Variants in MYO16 observed in about 807,000 individuals in gnomAD.
MYO16 encodes the protein myosin XVI.
A neutral mutation model predicts 205.3 loss-of-function variants in MYO16; 94 were observed. The ratio of observed to expected loss-of-function variants is 0.46; its 90% CI spans 0.39 to 0.54. MYO16 has a LOEUF of 0.54. MYO16 is among the 20% of genes least tolerant of loss of function. The pLI is 0.00. For missense variants in MYO16, 2,315 were observed against 2,387.5 expected, an observed-to-expected ratio of 0.97 and a Z score of 0.63; for synonymous variants, 988 against 954.0, an observed-to-expected ratio of 1.04 and a Z score of -0.66.
At chr13:108,870,781 A>G (rs900057994) in intron 12 of MYO16, among the ~76,000 whole-genome samples, 5 of 151,522 alleles carry the variant, frequency 3.3e-5, no homozygotes, top group Non-Finnish European at 7.4e-5. Context: ...TTTCTAATTT[A>G]TTTGGGTATA....
At chr13:108,501,089 C>G in the MYO16 span, among the ~76,000 whole-genome samples, 28 of 152,170 alleles carry the variant, frequency 1.8e-4, no homozygotes, top group Non-Finnish European at 8.8e-5. Context: ...CCCAAATACC[C>G]CACTTCATAG....
intron 21 of MYO16, among the ~76,000 whole-genome samples, chr13:109,001,279 G>T (rs889862608): frequency 1.3e-5 from 2 of 152,104 alleles, no homozygotes; most frequent in African/African-American, 2.4e-5. Context: ...GGGCCAGGTG[G>T]TAGCTGTGGG....
chr13:108,495,861 G>C, the MYO16 span, among the ~76,000 whole-genome samples: 4 of 151,894 alleles, frequency 2.6e-5, no homozygotes, highest in African/African-American at 7.2e-5. Flanking sequence ...GCTGGTTTCC[G>C]AGCCGAGTCC....
In MYO16 at chr13:108,847,835, C is replaced by CCT. The variant is rs559073163; in HGVS notation, c.1248+3344_1248+3345dup. 4.1e-4 allele frequency among the ~76,000 whole-genome samples: 62 copies of CCT among 152,226 alleles called. 1 individual carries two copies. In the East Asian group the frequency reaches 0.011, roughly 28 times the overall value. ...CCTTTCCCATCCCATCCCTCCCCGA[C>CCT]CTCCTGGGTTTTTTCATTTTTTTCT... On this transcript the variant is annotated intron_variant, in intron 10 of 34. Coordinates refer to ENST00000457511, the MANE Select transcript of MYO16 (RefSeq NM_001198950.3).
rs181825718 is a variant in MYO16 at position 108,678,861 on chromosome 13, T to C, written c.292+12712T>C. On this transcript the variant is annotated intron_variant, in intron 2 of 34. Coordinates refer to ENST00000457511, the MANE Select transcript of MYO16 (RefSeq NM_001198950.3). The stretch of plus-strand genomic sequence containing the variant: ...TGGCTTAAACAATAGCAATTCATGC[T>C]CTCAAAGGGCTGCAGGCTGGGAAGT... Among the ~76,000 whole-genome samples the C allele has an allele frequency of 3.3e-3, 508 of 152,192 alleles. 4 individuals are homozygous for C. The highest frequency in any genetic ancestry group is 0.012 in the African/African-American group (495 of 41,528).
chr13:108,739,226 A>G (rs1054925920), intron 4 of MYO16, among the ~76,000 whole-genome samples: 3 of 152,138 alleles, frequency 2.0e-5, no homozygotes, highest in African/African-American at 7.2e-5. Context: ...GTTTCTTCCT[A>G]GCATCGATGG....
At chr13:108,750,616 G>GAAAAAAAAAAAA (rs34552172) in intron 4 of MYO16, among the ~76,000 whole-genome samples, 1 of 129,724 alleles carries the variant, frequency 7.7e-6, no homozygotes, top group Non-Finnish European at 1.6e-5. Context: ...TAAAACTACA[G>GAAAAAAAAAAAA]AAAAAAAAAA....
intron 9 of MYO16, among the ~76,000 whole-genome samples, chr13:108,827,772 G>A (rs981240951): frequency 2.6e-5 from 4 of 152,152 alleles, no homozygotes; most frequent in Admixed American, 1.3e-4. Flanking sequence ...ATGTATTTAA[G>A]TGCCTCACTT....
chr13:108,666,373 G>T (rs1199315992), intron 2 of MYO16, among the ~76,000 whole-genome samples: 1 of 150,792 alleles, frequency 6.6e-6, no homozygotes, highest in African/African-American at 2.5e-5. Context: ...TAAAAATTGT[G>T]GTGAGATTGT....
intron 23 of MYO16, among the ~76,000 whole-genome samples, chr13:109,042,826 C>T (rs918262036): frequency 1.3e-5 from 2 of 152,282 alleles, no homozygotes; most frequent in Non-Finnish European, 2.9e-5. Flanking sequence ...CTTCACAATT[C>T]GTTAACTTCA....
chr13:108,691,982 C>A (rs1482868750), intron 2 of MYO16, among the ~76,000 whole-genome samples: 1 of 152,192 alleles, frequency 6.6e-6, no homozygotes, highest in East Asian at 1.9e-4. Context: ...CCTTTCCCAA[C>A]AAAGCAGATG....
chr13:108,583,920 G>T, the MYO16 span, among the ~76,000 whole-genome samples: 10 of 152,086 alleles, frequency 6.6e-5, no homozygotes, highest in African/African-American at 2.4e-4. Context: ...CCAAAGCAAG[G>T]AGTGTATCTT....
chr13:108,772,870 A>G (rs1886012724), intron 4 of MYO16, among the ~76,000 whole-genome samples: 1 of 152,136 alleles, frequency 6.6e-6, no homozygotes, highest in Non-Finnish European at 1.5e-5. Context: ...GAACAAAAAT[A>G]GGGGAAAATA....
At chr13:108,965,220 C>T (rs1409266141) in intron 20 of MYO16, among the ~76,000 whole-genome samples, 1 of 151,958 alleles carries the variant, frequency 6.6e-6, no homozygotes, top group Non-Finnish European at 1.5e-5. Context: ...TTTATAAATC[C>T]AGGAAGAAGA....
At position 108,882,074 on chromosome 13, in the gene MYO16, C is replaced by G. The variant is rs544040224; in HGVS notation, c.1426-985C>G. Reference sequence around the variant, plus strand: ...AGGTCAGTTTGCCCACAAAGAGAAGCCCATCAGACTAATAGCAGATCCCTG... The same window carrying G: ...AGGTCAGTTTGCCCACAAAGAGAAGGCCATCAGACTAATAGCAGATCCCTG... On this transcript the variant is annotated intron_variant, in intron 12 of 34. Transcript: ENST00000457511. Among the ~76,000 whole-genome samples the G allele has an allele frequency of 3.5e-4, 54 of 152,282 alleles. 1 individual carries two copies. The South Asian group carries it at 7.9e-3, about 22-fold the overall frequency.
intron 32 of MYO16, among the ~76,000 whole-genome samples, chr13:109,146,789 C>T (rs1877353216): frequency 6.7e-6 from 1 of 149,880 alleles, no homozygotes; most frequent in African/African-American, 2.5e-5. Flanking sequence ...GAGCAATACA[C>T]TGCCCAGAAA....
chr13:108,986,095 A>G (rs577013068), intron 20 of MYO16, among the ~76,000 whole-genome samples: 1 of 152,276 alleles, frequency 6.6e-6, no homozygotes, highest in Non-Finnish European at 1.5e-5. Flanking sequence ...TTATAAAACC[A>G]TCAGATCTCG....
intron 20 of MYO16, among the ~76,000 whole-genome samples, chr13:108,979,780 T>G (rs922946163): frequency 3.3e-5 from 5 of 152,108 alleles, no homozygotes; most frequent in Non-Finnish European, 7.4e-5. Context: ...CATTTTTATT[T>G]TCAAAAAGAA....
intron 4 of MYO16, among the ~76,000 whole-genome samples, chr13:108,746,103 G>A (rs1885054287): frequency 6.6e-6 from 1 of 152,152 alleles, no homozygotes; most frequent in Non-Finnish European, 1.5e-5. Context: ...TGAGGCAGGA[G>A]AATGGCATGA....
Sources: allele counts gnomAD v4.1 joint callset (sites outside exome capture counted in the v4.1 genomes callset), GRCh38; gene constraint gnomAD v4.1.1; transcripts MANE v1.5; gene names NCBI Gene and HGNC (gene_info 2026-07-23, HGNC 2026-07-21).